Variants in PVT1 observed in about 807,000 individuals in gnomAD.
PVT1 encodes the protein Pvt1 oncogene.
At chr8:128,015,090 T>A (rs572119477) in intron 4 of PVT1, among the ~76,000 whole-genome samples, 66 of 144,488 alleles carry the variant, frequency 4.6e-4, no homozygotes, top group African/African-American at 1.1e-3. Flanking sequence ...TTTATTTATT[T>A]ATTATTTATT....
intron 4 of PVT1, among the ~76,000 whole-genome samples, chr8:128,032,891 C>G (rs890450365): frequency 6.6e-6 from 1 of 152,234 alleles, no homozygotes; most frequent in Non-Finnish European, 1.5e-5. Context: ...TTCTGCTGGC[C>G]TCTCTTTTGC....
chr8:127,893,611 A>G (rs1447927397), intron 3 of PVT1, among the ~76,000 whole-genome samples: 1 of 152,244 alleles, frequency 6.6e-6, no homozygotes, highest in Admixed American at 6.5e-5. Flanking sequence ...GAATACAAGC[A>G]GCATTTGGAC....
intron 2 of PVT1, among the ~76,000 whole-genome samples, chr8:127,875,235 G>A (rs752761975): frequency 6.6e-6 from 1 of 152,068 alleles, no homozygotes; most frequent in Non-Finnish European, 1.5e-5. Flanking sequence ...CGGGTGTTAC[G>A]GTTTGTGAGA....
chr8:127,812,456 A>C (rs1814608581), intron 2 of PVT1, among the ~76,000 whole-genome samples: 1 of 152,030 alleles, frequency 6.6e-6, no homozygotes, highest in African/African-American at 2.4e-5. Context: ...TGGTCCCAGG[A>C]GGCCAAAGCT....
chr8:127,991,219 T>C lies in PVT1; in HGVS notation n.912+1928T>C, dbSNP rs369266413. On this transcript the variant is annotated intron_variant and non_coding_transcript_variant, in intron 4 of 10. Transcript: ENST00000651587. ...GTGCAGTGGCGCAATCTCGGCTCAC[T>C]GTAAGCTCCACCTCCCGGGTTCACG... 1.0e-3 allele frequency among the ~76,000 whole-genome samples: 152 copies of C among 148,710 alleles called. No homozygotes were observed. The Middle Eastern group carries it at 0.01, about 10-fold the overall frequency.
intron 4 of PVT1, among the ~76,000 whole-genome samples, chr8:128,056,408 T>A (rs1335435818): frequency 3.3e-5 from 5 of 152,270 alleles, no homozygotes; most frequent in Non-Finnish European, 7.3e-5. Flanking sequence ...TACATATGTA[T>A]ATATTTCTAT....
At chr8:127,808,339 C>T (rs1301242600) in intron 2 of PVT1, among the ~76,000 whole-genome samples, 4 of 152,170 alleles carry the variant, frequency 2.6e-5, no homozygotes, top group South Asian at 2.1e-4. Context: ...TGAGCCACGG[C>T]GTCCAGCCTG....
At chr8:128,037,067 C>T (rs111246656) in intron 4 of PVT1, among the ~76,000 whole-genome samples, 2,013 of 152,262 alleles carry the variant, frequency 0.013, 44 homozygotes, top group African/African-American at 0.043. Context: ...AGTCAGCCAC[C>T]GCCACTGCCA....
chr8:128,090,070 A>G (rs934364136), intron 5 of PVT1, among the ~76,000 whole-genome samples: 4 of 152,228 alleles, frequency 2.6e-5, no homozygotes, highest in Admixed American at 1.3e-4. Context: ...AGTTCTATGC[A>G]TAGGCCTTCC....
chr8:127,911,993 G>T (rs921378351), intron 3 of PVT1, among the ~76,000 whole-genome samples: 1 of 152,216 alleles, frequency 6.6e-6, no homozygotes, highest in Non-Finnish European at 1.5e-5. Context: ...GGTGGATGGG[G>T]AGAGGGCAGC....
intron 3 of PVT1, among the ~76,000 whole-genome samples, chr8:127,985,096 T>G (rs1485141706): frequency 6.7e-6 from 1 of 149,824 alleles, no homozygotes; most frequent in Non-Finnish European, 1.5e-5. Context: ...TGTAGTGGCG[T>G]GATCTCGGCT....
At chr8:128,037,165 A>C (rs1354451463) in intron 4 of PVT1, among the ~76,000 whole-genome samples, 1 of 152,236 alleles carries the variant, frequency 6.6e-6, no homozygotes, top group Admixed American at 6.5e-5. Flanking sequence ...GAAGTTGGGC[A>C]CTGTGCTGGG....
At chr8:127,874,155 G>A (rs986117048) in intron 2 of PVT1, among the ~76,000 whole-genome samples, 6 of 152,210 alleles carry the variant, frequency 3.9e-5, no homozygotes, top group Non-Finnish European at 8.8e-5. Flanking sequence ...TCTGCATCTT[G>A]GGGTGCAGTG....
chr8:127,971,711 A>G (rs1039160144), intron 3 of PVT1, among the ~76,000 whole-genome samples: 1 of 152,160 alleles, frequency 6.6e-6, no homozygotes, highest in African/African-American at 2.4e-5. Flanking sequence ...CATCCGTAAA[A>G]TGGGGATAAG....
At chr8:127,903,255 T>G (rs1815780316) in intron 3 of PVT1, among the ~76,000 whole-genome samples, 1 of 152,242 alleles carries the variant, frequency 6.6e-6, no homozygotes. Context: ...TCCGTCCTTG[T>G]GCTTTGCCCA....
chr8:127,887,628 TGA>T, intron 2 of PVT1, among the ~76,000 whole-genome samples: 1 of 152,266 alleles, frequency 6.6e-6, no homozygotes, highest in Admixed American at 6.5e-5. Context: ...CGAGTTCAAG[TGA>T]TTCTCGTTCC....
intron 4 of PVT1, among the ~76,000 whole-genome samples, chr8:128,026,377 C>A (rs918621192): frequency 6.6e-6 from 1 of 151,812 alleles, no homozygotes; most frequent in African/African-American, 2.4e-5. Context: ...GAGAGAAATT[C>A]ATGTTTCTCT....
intron 5 of PVT1, among the ~76,000 whole-genome samples, chr8:128,076,669 A>T (rs1167652401): frequency 6.6e-6 from 1 of 152,152 alleles, no homozygotes; most frequent in Non-Finnish European, 1.5e-5. Flanking sequence ...ATTCCCAGTG[A>T]GCCAGGTATC....
Position 128,059,998 on chromosome 8 carries a change from T to C in PVT1, n.913-10162T>C, listed in dbSNP as rs189267338. Among the ~76,000 whole-genome samples, 19 of 152,336 alleles carry C rather than the reference T, an allele frequency of 1.2e-4. No homozygotes were observed. In the East Asian group the frequency reaches 3.3e-3, roughly 26 times the overall value. On this transcript the variant is annotated intron_variant and non_coding_transcript_variant, in intron 4 of 10. Transcript: ENST00000651587. ...GAGGCTGGGCGTGGTGGCTCATGCC[T>C]GTAATCCTAGCACTTTGGGAGGCCA...
Sources: allele counts gnomAD v4.1 joint callset (sites outside exome capture counted in the v4.1 genomes callset), GRCh38; gene constraint gnomAD v4.1.1; transcripts MANE v1.5; gene names NCBI Gene and HGNC (gene_info 2026-07-23, HGNC 2026-07-21).